The following RPS6KB1 variants were observed in gnomAD, a reference collection of about 807,000 sequenced individuals.
RPS6KB1 encodes the protein ribosomal protein S6 kinase beta-1.
A neutral mutation model predicts 70.2 loss-of-function variants in RPS6KB1; 12 were observed. The observed-to-expected ratio is 0.17, with a 90% CI of 0.11 to 0.28. The LOEUF is 0.28. RPS6KB1 is among the 10% of genes least tolerant of loss of function. The pLI, the probability that RPS6KB1 is intolerant of heterozygous loss-of-function variation, is 1.00. For missense variants in RPS6KB1, 270 were observed against 646.6 expected, an observed-to-expected ratio of 0.42 and a Z score of 6.32; for synonymous variants, 175 against 211.2, an observed-to-expected ratio of 0.83 and a Z score of 1.49.
chr17:59,941,078 C>T (rs1325478390), intron 13 of RPS6KB1, 135 bp downstream of exon 13: 2 of 573,008 alleles, frequency 3.5e-6, no homozygotes, highest in Non-Finnish European at 6.2e-6. Context: ...TTAAATAAGC[C>T]ATGCCTTTAT....
Position 59,910,630 on chromosome 17 carries a change from A to G in RPS6KB1, c.191+19A>G. On this transcript the variant is annotated intron_variant, in intron 2 of 14. Coordinates refer to ENST00000225577, the MANE Select transcript of RPS6KB1 (RefSeq NM_003161.4). ...ATGAACTGTAAGTTTATATGAAGAG[A>G]TTTTCATTGTGTTGTCTTTCTTACA... 2 of 1,519,784 alleles carry G rather than the reference A, an allele frequency of 1.3e-6. No individual in the cohort carries two copies. The highest frequency in any genetic ancestry group is 1.8e-6 in the Non-Finnish European group (2 of 1,105,030). 94.1% of individuals were successfully genotyped at this position (1,519,784 alleles called of 1,614,324 possible). A position where few individuals can be genotyped will look rare whatever the true frequency, so the allele number is the denominator to read the frequency against.
rs778675902 is a variant in RPS6KB1, at chr17:59,934,294, G to C, written c.779+34G>C. The C allele has an allele frequency of 2.2e-5, 33 of 1,514,730 alleles. No individual in the cohort carries two copies. The highest frequency in any genetic ancestry group is 2.8e-5 in the Non-Finnish European group (31 of 1,089,802). 93.8% of individuals were successfully genotyped at this position (1,514,730 alleles called of 1,614,324 possible). A position where few individuals can be genotyped will look rare whatever the true frequency, so the allele number is the denominator to read the frequency against. ...CATGTTAAACATAATTGGTTTGGGG[G>C]TAATAGCTAATTTTACCTGTTTTAA... is the stretch of plus-strand genomic sequence containing the variant. On this transcript the variant is annotated intron_variant, in intron 8 of 14. Transcript: ENST00000225577. This position sits in a 1 kb window ranked among gnomAD's most constrained non-coding sequence, Gnocchi z 4.8.
chr17:59,920,700 G>C (rs892870643), intron 4 of RPS6KB1, among the ~76,000 whole-genome samples: 9 of 152,168 alleles, frequency 5.9e-5, no homozygotes, highest in African/African-American at 1.9e-4. Flanking sequence ...TACTGGTCAA[G>C]ATTTCTTCTT....
intron 4 of RPS6KB1, among the ~76,000 whole-genome samples, chr17:59,917,965 C>T (rs2043051984): frequency 6.6e-6 from 1 of 151,986 alleles, no homozygotes; most frequent in Non-Finnish European, 1.5e-5. Flanking sequence ...TGGAGTTTTG[C>T]TCTTGTTGCC....
chr17:59,916,686 T>C (rs1204678860), intron 4 of RPS6KB1, among the ~76,000 whole-genome samples: 7 of 152,188 alleles, frequency 4.6e-5, no homozygotes, highest in Non-Finnish European at 1.0e-4. Context: ...CTGGACTCTT[T>C]CTTCACCACA....
intron 4 of RPS6KB1, among the ~76,000 whole-genome samples, chr17:59,921,517 G>C (rs928570583): frequency 6.6e-6 from 1 of 152,162 alleles, no homozygotes; most frequent in African/African-American, 2.4e-5. Context: ...TGACCTGAGT[G>C]TGTGGTAAGT....
At chr17:59,941,310 T>G (rs1202311779) in intron 13 of RPS6KB1, among the ~76,000 whole-genome samples, 1 of 150,764 alleles carries the variant, frequency 6.6e-6, no homozygotes, top group African/African-American at 2.4e-5. Flanking sequence ...CAGCTATAGA[T>G]TTTTGGTACT....
chr17:59,898,004 G>T (rs2041670810), intron 1 of RPS6KB1, among the ~76,000 whole-genome samples: 1 of 151,942 alleles, frequency 6.6e-6, no homozygotes, highest in Admixed American at 6.6e-5. Flanking sequence ...TATCTCAGAG[G>T]AATATAATCA....
chr17:59,947,006 CATCA>C lies in RPS6KB1; in HGVS notation c.*221_*224del. Reference sequence around the variant, plus strand: ...AATAGTATTGCTGAACTCTTAGGCACATCAATTAATTGATTCCTCGCGACATCTT... The same window carrying C: ...AATAGTATTGCTGAACTCTTAGGCACATTAATTGATTCCTCGCGACATCTT... On this transcript the variant is annotated 3_prime_UTR_variant, in exon 15 of 15. Coordinates refer to ENST00000225577, the MANE Select transcript of RPS6KB1 (RefSeq NM_003161.4). 3 of 1,379,144 alleles carry C rather than the reference CATCA, an allele frequency of 2.2e-6. No homozygotes were observed. The highest frequency in any genetic ancestry group is 2.8e-6 in the Non-Finnish European group (3 of 1,065,632). 85.4% of individuals were successfully genotyped at this position (1,379,144 alleles called of 1,614,324 possible). A position where few individuals can be genotyped will look rare whatever the true frequency, so the allele number is the denominator to read the frequency against.
At chr17:59,945,338 G>C in intron 13 of RPS6KB1, 68 bp from the exon 14 acceptor site, 2 of 822,234 alleles carry the variant, frequency 2.4e-6, no homozygotes, top group Non-Finnish European at 4.1e-6. Flanking sequence ...ATGTCAGACT[G>C]AACAACCCCA....
chr17:59,901,625 G>GAAA (rs58530265), intron 1 of RPS6KB1, among the ~76,000 whole-genome samples: 5 of 79,184 alleles, frequency 6.3e-5, no homozygotes, highest in Non-Finnish European at 9.3e-5. Context: ...CCCTGTCTCT[G>GAAA]AAAAAAAAAA....
intron 1 of RPS6KB1, among the ~76,000 whole-genome samples, chr17:59,906,494 C>T (rs1021017848): frequency 6.6e-6 from 1 of 151,988 alleles, no homozygotes; most frequent in African/African-American, 2.4e-5. Context: ...CCCTGAGTAG[C>T]TGGGATTACA....
chr17:59,946,967 A>T lies in RPS6KB1; in HGVS notation c.*179A>T. ...AAAAAATCAATCAATGGTGCAAAAA[A>T]AAACTTAAAGCAAAATAGTATTGCT... On this transcript the variant is annotated 3_prime_UTR_variant, in exon 15 of 15. Coordinates refer to ENST00000225577, the MANE Select transcript of RPS6KB1 (RefSeq NM_003161.4). This position sits in a 1 kb window ranked among gnomAD's most constrained non-coding sequence, Gnocchi z 4.2. 7.0e-7 allele frequency: 1 copy of T among 1,437,320 alleles called. No homozygotes were observed. Among genetic ancestry groups the T allele is most frequent in the Non-Finnish European group, 9.1e-7 (1 of 1,098,828 alleles). 89.0% of individuals were successfully genotyped at this position (1,437,320 alleles called of 1,614,324 possible). A position where few individuals can be genotyped will look rare whatever the true frequency, so the allele number is the denominator to read the frequency against.
chr17:59,947,547 G>T lies in RPS6KB1; in HGVS notation c.*759G>T. 1 of 1,416,066 alleles carries T rather than the reference G, an allele frequency of 7.1e-7. No homozygotes were observed. Among genetic ancestry groups the T allele is most frequent in the Non-Finnish European group, 9.5e-7 (1 of 1,050,278 alleles). 87.7% of individuals were successfully genotyped at this position (1,416,066 alleles called of 1,614,324 possible). ...GCTGCAATACCTGTCTGTAATATGA[G>T]AAAAAAAAAATGAATCTATTTAATC... On this transcript the variant is annotated 3_prime_UTR_variant, in exon 15 of 15. Transcript: ENST00000225577.
At chr17:59,941,378 G>A (rs1175318016) in intron 13 of RPS6KB1, among the ~76,000 whole-genome samples, 1 of 147,706 alleles carries the variant, frequency 6.8e-6, no homozygotes, top group Non-Finnish European at 1.5e-5. Context: ...TGGGTGTAGT[G>A]TAGTGGTGTG....
At chr17:59,920,855 C>T (rs1015801042) in intron 4 of RPS6KB1, among the ~76,000 whole-genome samples, 3 of 152,260 alleles carry the variant, frequency 2.0e-5, no homozygotes, top group East Asian at 1.9e-4. Flanking sequence ...TGTACCACCA[C>T]GCCTGGCTAA....
At chr17:59,894,334 T>C (rs2041372195) in intron 1 of RPS6KB1, among the ~76,000 whole-genome samples, 1 of 152,186 alleles carries the variant, frequency 6.6e-6, no homozygotes, top group African/African-American at 2.4e-5. Context: ...AATGTTGTCA[T>C]ACTAAATCAC....
At position 59,946,656 on chromosome 17, in the gene RPS6KB1, G is replaced by C; in HGVS notation, c.1446G>C (p.Glu482Asp). 1 of 1,614,168 alleles carries C rather than the reference G, an allele frequency of 6.2e-7. No homozygotes were observed. Among genetic ancestry groups the C allele is most frequent in the Non-Finnish European group, 8.5e-7 (1 of 1,180,024 alleles). The change falls in exon 15 of 15, where the codon GAG (glutamate) becomes GAC (aspartate). Residue 482 changes from glutamate to aspartate, a missense_variant. By Grantham distance (45) the Glu-to-Asp change is conservative. Coordinates refer to ENST00000225577, the MANE Select transcript of RPS6KB1 (RefSeq NM_003161.4). This position sits in a 1 kb window ranked among gnomAD's most constrained non-coding sequence, Gnocchi z 4.2. Reference sequence around the variant, plus strand: ...ACCCAATGGAAACAAGTGGCATAGAGCAGATGGATGTGACAATGAGTGGGG... The same window carrying C: ...ACCCAATGGAAACAAGTGGCATAGACCAGATGGATGTGACAATGAGTGGGG... ...VEYPMETSGI[E>D]QMDVTMSGEA...
intron 12 of RPS6KB1, among the ~76,000 whole-genome samples, 191 bp downstream of exon 12, chr17:59,936,732 AG>A (rs2044269913): frequency 6.6e-6 from 1 of 152,234 alleles, no homozygotes; most frequent in African/African-American, 2.4e-5. Context: ...TGTAAGTCCC[AG>A]CTACTTGCAA....
Sources: gnomAD v4.1 joint callset for allele counts (sites outside exome capture counted in the v4.1 genomes callset) on GRCh38, gnomAD v4.1.1 for gene constraint, Gnocchi (gnomAD v3.1) non-coding constraint, MANE v1.5 for transcripts, NCBI Gene and HGNC (gene_info 2026-07-23, HGNC 2026-07-21) for gene names.